Variants in CLEC2A observed in about 807,000 individuals in gnomAD.
The protein encoded by CLEC2A is C-type lectin domain family 2 member A.
In CLEC2A, 19 loss-of-function variants were observed where a neutral mutation model predicts 18.6. The ratio of observed to expected loss-of-function variants is 1.02; its 90% CI spans 0.71 to 1.50. The LOEUF is 1.50. CLEC2A is among the 40% of genes most tolerant of loss of function. The pLI, the probability that CLEC2A is intolerant of heterozygous loss-of-function variation, is 0.00. For synonymous variants in CLEC2A, 74 were observed against 64.0 expected, an observed-to-expected ratio of 1.16 and a Z score of -0.75; for missense variants, 190 against 207.9, an observed-to-expected ratio of 0.91 and a Z score of 0.53.
the CLEC2A span, among the ~76,000 whole-genome samples, chr12:9,882,152 T>C: frequency 6.6e-6 from 1 of 152,194 alleles, no homozygotes; most frequent in Non-Finnish European, 1.5e-5. Context: ...TTAGGGCTGC[T>C]CTGTGGTTGG....
At chr12:9,902,644 GAA>G (rs56875298) in intron 4 of CLEC2A, among the ~76,000 whole-genome samples, 4 of 135,852 alleles carry the variant, frequency 2.9e-5, no homozygotes, top group African/African-American at 2.7e-5. Context: ...AATCTTGAAA[GAA>G]AAAAAAAAAA....
Position 9,913,935 on chromosome 12 carries a change from T to C in CLEC2A, c.411-255A>G, listed in dbSNP as rs561168803. On this transcript the variant is annotated intron_variant, in intron 4 of 4. Transcript: ENST00000455827. ...ATAGGCAGATAGACACATATAGGTA[T>C]ACAAAGACGGGGTAAAACCCTTCTT... Among the ~76,000 whole-genome samples the C allele has an allele frequency of 2.1e-4, 32 of 152,318 alleles. No homozygotes were observed. The South Asian group carries it at 6.6e-3, about 32-fold the overall frequency.
chr12:9,895,073 A>T (rs1176456612), downstream of CLEC2A, among the ~76,000 whole-genome samples: 1 of 152,192 alleles, frequency 6.6e-6, no homozygotes, highest in African/African-American at 2.4e-5. Flanking sequence ...ATTGCGCATC[A>T]TCCTAACCTT....
chr12:9,890,546 G>T, the CLEC2A span, among the ~76,000 whole-genome samples: 2 of 152,146 alleles, frequency 1.3e-5, no homozygotes, highest in Non-Finnish European at 1.5e-5. Flanking sequence ...TGTCACTCTT[G>T]TACACCCTCC....
chr12:9,923,759 T>A (rs1863214453), intron 2 of CLEC2A, among the ~76,000 whole-genome samples: 2 of 152,120 alleles, frequency 1.3e-5, no homozygotes, highest in Admixed American at 6.5e-5. Context: ...TAAAAAAGGA[T>A]GAGTTCATGT....
At chr12:9,927,884 T>G (rs1863302719) in intron 1 of CLEC2A, among the ~76,000 whole-genome samples, 1 of 151,696 alleles carries the variant, frequency 6.6e-6, no homozygotes, top group African/African-American at 2.4e-5. Context: ...GAAGAAAAGA[T>G]AAAAACCACT....
At chr12:9,919,632 C>T (rs555658320) in intron 3 of CLEC2A, among the ~76,000 whole-genome samples, 6 of 152,300 alleles carry the variant, frequency 3.9e-5, no homozygotes, top group East Asian at 3.9e-4. Flanking sequence ...GCCTGGAGGA[C>T]CCTCCTGGTG....
chr12:9,914,003 CT>C (rs2084735130), intron 4 of CLEC2A, among the ~76,000 whole-genome samples: 1 of 152,138 alleles, frequency 6.6e-6, no homozygotes, highest in Non-Finnish European at 1.5e-5. Context: ...TCCTTCCTTT[CT>C]TCTTTCTTTC....
chr12:9,918,599 T>C (rs1488820983), intron 3 of CLEC2A, among the ~76,000 whole-genome samples: 1 of 152,238 alleles, frequency 6.6e-6, no homozygotes, highest in Non-Finnish European at 1.5e-5. Context: ...TATGATTCCA[T>C]ATGAATTTTA....
chr12:9,894,071 TTC>T (rs1372845994), downstream of CLEC2A, among the ~76,000 whole-genome samples: 1 of 151,710 alleles, frequency 6.6e-6, no homozygotes, highest in Non-Finnish European at 1.5e-5. Flanking sequence ...TCTTTTTTCT[TTC>T]TCTTTCTCTC....
chr12:9,904,851 A>G (rs1265974970), intron 4 of CLEC2A, among the ~76,000 whole-genome samples: 1 of 152,136 alleles, frequency 6.6e-6, no homozygotes, highest in Admixed American at 6.5e-5. Context: ...TACTTTGAAA[A>G]AGGGGGCCTG....
chr12:9,883,767 C>G, the CLEC2A span, among the ~76,000 whole-genome samples: 198 of 152,236 alleles, frequency 1.3e-3, no homozygotes, highest in African/African-American at 4.7e-3. Flanking sequence ...AGGTACACTA[C>G]ATACAGTAAA....
chr12:9,880,755 CT>C, the CLEC2A span, among the ~76,000 whole-genome samples: 1 of 151,696 alleles, frequency 6.6e-6, no homozygotes, highest in Admixed American at 6.5e-5. Flanking sequence ...GAAGACAAGT[CT>C]TTTTGTTCTA....
chr12:9,926,260 C>T lies in CLEC2A; in HGVS notation c.139G>A (p.Ala47Thr), dbSNP rs1565535530. Residue 47 changes from alanine to threonine, a missense_variant and splice_region_variant, in exon 2 of 5, where the codon GCC (alanine) becomes ACC (threonine). Transcript: ENST00000455827. Reference sequence around the variant, plus strand: ...AAAGTGTATGAATTAAACCACTCACCTATCATAATAATGCAAACTGTAGTA... The same window carrying T: ...AAAGTGTATGAATTAAACCACTCACTTATCATAATAATGCAAACTGTAGTA... ...IITTVCIIMI[A>T]TWSKHAKPVA... 3 of 1,519,932 alleles carry T rather than the reference C, an allele frequency of 2.0e-6. No homozygotes were observed. Among genetic ancestry groups the T allele is most frequent in the Non-Finnish European group, 2.7e-6 (3 of 1,118,566 alleles). 94.2% of individuals were successfully genotyped at this position (1,519,932 alleles called of 1,614,324 possible).
At chr12:9,888,896 G>A in the CLEC2A span, 3 of 552,716 alleles carry the variant, frequency 5.4e-6, no homozygotes, top group East Asian at 8.7e-5. Context: ...GTGGAGAAAG[G>A]TATGGGGCTG....
downstream of CLEC2A, among the ~76,000 whole-genome samples, chr12:9,894,062 C>CT (rs755416544): frequency 6.6e-6 from 1 of 151,240 alleles, no homozygotes; most frequent in East Asian, 1.9e-4. Context: ...TTCTCTTTCT[C>CT]TTTTTTCTTT....
downstream of CLEC2A, among the ~76,000 whole-genome samples, chr12:9,908,879 G>A (rs1188592243): frequency 3.3e-5 from 5 of 152,092 alleles, no homozygotes; most frequent in African/African-American, 1.2e-4. Flanking sequence ...GGCCCCCTGG[G>A]GGCTTTGTTT....
the CLEC2A span, among the ~76,000 whole-genome samples, chr12:9,884,047 G>T: frequency 5.8e-4 from 89 of 152,204 alleles, no homozygotes; most frequent in African/African-American, 2.1e-3. Flanking sequence ...TAAAATGATT[G>T]TAGATTGAGA....
downstream of CLEC2A, among the ~76,000 whole-genome samples, chr12:9,896,645 C>A (rs1862759346): frequency 6.6e-6 from 1 of 151,846 alleles, no homozygotes; most frequent in African/African-American, 2.4e-5. Flanking sequence ...TAATACATGT[C>A]TTTATTCTTT....
Sources: allele counts gnomAD v4.1 joint callset (sites outside exome capture counted in the v4.1 genomes callset), GRCh38; gene constraint gnomAD v4.1.1; transcripts MANE v1.5; gene names NCBI Gene and HGNC (gene_info 2026-07-23, HGNC 2026-07-21).